NRXN3: variants seen among roughly 807,000 people sequenced by gnomAD.
NRXN3 encodes the protein neurexin 3, also known as neurexin III.
NRXN3 carries 32 observed loss-of-function variants against 137.6 expected under a neutral mutation model. That is an observed-to-expected ratio of 0.23 (90% CI 0.18 to 0.31). NRXN3 has a LOEUF of 0.31. NRXN3 is among the 10% of genes least tolerant of loss of function. NRXN3 has a pLI of 1.00. For missense variants in NRXN3, 1,574 were observed against 2,062.5 expected (o/e 0.76, Z 4.59); for synonymous variants, 798 against 784.5 (o/e 1.02, Z -0.29).
At chr14:78,412,427 G>T (rs2092887635) in intron 4 of NRXN3, among the ~76,000 whole-genome samples, 2 of 152,222 alleles carry the variant, frequency 1.3e-5, no homozygotes, top group Middle Eastern at 3.4e-3. Context: ...TTTTTTTACT[G>T]TTCTGTAACT....
chr14:79,439,860 A>G (rs1332979713), intron 15 of NRXN3, among the ~76,000 whole-genome samples: 1 of 152,232 alleles, frequency 6.6e-6, no homozygotes, highest in African/African-American at 2.4e-5. Context: ...TATCAATAAT[A>G]ATCATTAATT....
chr14:78,334,562 G>A (rs763692708), intron 4 of NRXN3, among the ~76,000 whole-genome samples: 1 of 152,138 alleles, frequency 6.6e-6, no homozygotes, highest in African/African-American at 2.4e-5. Context: ...CTTTGATCTC[G>A]TCTGAAGTTG....
At chr14:78,268,072 T>G (rs184945734) in intron 2 of NRXN3, among the ~76,000 whole-genome samples, 1 of 152,328 alleles carries the variant, frequency 6.6e-6, no homozygotes, top group Non-Finnish European at 1.5e-5. Flanking sequence ...CTTCTCAAAC[T>G]GTGTTCTGTG....
chr14:79,375,301 A>T (rs760827025), intron 15 of NRXN3, among the ~76,000 whole-genome samples: 1 of 109,350 alleles, frequency 9.1e-6, no homozygotes, highest in Admixed American at 1.2e-4. Flanking sequence ...CCCCTCCCAC[A>T]CATATACCCT....
chr14:79,383,345 A>G (rs1227801591), intron 15 of NRXN3, among the ~76,000 whole-genome samples: 1 of 152,142 alleles, frequency 6.6e-6, no homozygotes, highest in East Asian at 1.9e-4. Flanking sequence ...TGGACATGCA[A>G]ATTTTTCAAA....
chr14:78,837,649 T>C (rs215507), intron 10 of NRXN3, among the ~76,000 whole-genome samples: 115,373 of 152,092 alleles, frequency 0.76, 46,052 homozygotes, highest in Non-Finnish European at 0.88. Flanking sequence ...TCCCTGCCAC[T>C]TCTAGAGCAG....
intron 10 of NRXN3, among the ~76,000 whole-genome samples, chr14:78,943,621 A>AATATATATATAT (rs60429358): frequency 3.6e-5 from 1 of 27,880 alleles, no homozygotes; most frequent in African/African-American, 1.6e-4. Flanking sequence ...AAAAAAAAAA[A>AATATATATATAT]ATATATATAT....
At chr14:78,822,712 A>G (rs1038100560) in intron 10 of NRXN3, among the ~76,000 whole-genome samples, 1 of 100,282 alleles carries the variant, frequency 1.0e-5, no homozygotes, top group Non-Finnish European at 1.7e-5. Flanking sequence ...AAAACAAACA[A>G]AAAAAAAAAA....
intron 10 of NRXN3, among the ~76,000 whole-genome samples, chr14:78,924,178 G>A (rs1236783647): frequency 6.6e-6 from 1 of 152,230 alleles, no homozygotes; most frequent in East Asian, 1.9e-4. Context: ...GAACCCTGGA[G>A]GTGGAGGTTG....
intron 10 of NRXN3, among the ~76,000 whole-genome samples, chr14:78,820,241 CAT>C (rs199832842): frequency 5.0e-4 from 73 of 146,720 alleles, no homozygotes; most frequent in East Asian, 3.0e-3. Flanking sequence ...TACATATATA[CAT>C]ATATATATAT....
intron 15 of NRXN3, among the ~76,000 whole-genome samples, chr14:79,316,584 CATTTTAAT>C (rs2088748065): frequency 6.6e-6 from 1 of 152,198 alleles, no homozygotes; most frequent in African/African-American, 2.4e-5. Context: ...AGTATTTTAA[CATTTTAAT>C]AATTGATACA....
At position 78,187,062 on chromosome 14, in the gene NRXN3, T is replaced by C. The variant is rs139395697; in HGVS notation, c.-704+16388T>C. On this transcript the variant is annotated intron_variant, in intron 1 of 20. Coordinates refer to ENST00000335750, the MANE Select transcript of NRXN3 (RefSeq NM_001330195.2). ...ACAGTGAGCATGACGCTCGGAGTTA[T>C]CAAGGGGCTACTTTGTGCATGGATT... Among the ~76,000 whole-genome samples, 27 of 152,312 alleles carry C rather than the reference T, an allele frequency of 1.8e-4. No individual in the cohort carries two copies. The East Asian group carries it at 3.3e-3, about 19-fold the overall frequency.
At chr14:79,653,072 G>A (rs541881055) in intron 16 of NRXN3, among the ~76,000 whole-genome samples, 10 of 152,056 alleles carry the variant, frequency 6.6e-5, no homozygotes, top group South Asian at 2.1e-4. Context: ...GAGTCCCCAC[G>A]TGCAGACAGG....
intron 10 of NRXN3, among the ~76,000 whole-genome samples, chr14:78,846,755 T>C (rs1025583378): frequency 3.3e-5 from 5 of 152,092 alleles, no homozygotes; most frequent in African/African-American, 9.7e-5. Context: ...TAGATGAATT[T>C]AGTTAATTCT....
chr14:79,257,162 G>A lies in NRXN3; in HGVS notation c.3263-210059G>A, dbSNP rs373601216. Among the ~76,000 whole-genome samples, 49 of 152,156 alleles carry A rather than the reference G, an allele frequency of 3.2e-4. 1 individual carries two copies. In the East Asian group the frequency reaches 6.6e-3, roughly 21 times the overall value. ...TGTATTGCTTAAACCTCTCTTTGAAGGCAGGGAGGGCGAGGGGGAGGTGTG... is the reference window on the plus strand; with the variant it reads ...TGTATTGCTTAAACCTCTCTTTGAAAGCAGGGAGGGCGAGGGGGAGGTGTG... On this transcript the variant is annotated intron_variant, in intron 15 of 20. Transcript: ENST00000335750.
At chr14:79,650,911 C>G (rs1865975325) in intron 16 of NRXN3, among the ~76,000 whole-genome samples, 1 of 152,114 alleles carries the variant, frequency 6.6e-6, no homozygotes, top group Non-Finnish European at 1.5e-5. Context: ...GATGGCCTCC[C>G]AAGAGGCAGG....
At chr14:78,624,979 C>A (rs147584375) in intron 4 of NRXN3, among the ~76,000 whole-genome samples, 2,345 of 152,174 alleles carry the variant, frequency 0.015, 53 homozygotes, top group African/African-American at 0.053. Flanking sequence ...GTAGCTGGGA[C>A]TACAGGCGTG....
At chr14:79,265,731 G>A (rs1487590817) in intron 15 of NRXN3, among the ~76,000 whole-genome samples, 1 of 152,126 alleles carries the variant, frequency 6.6e-6, no homozygotes, top group Non-Finnish European at 1.5e-5. Context: ...CAGGCACAAT[G>A]ACTCCCTCTG....
At chr14:78,451,302 C>G (rs145517519) in intron 4 of NRXN3, among the ~76,000 whole-genome samples, 52 of 152,306 alleles carry the variant, frequency 3.4e-4, no homozygotes, top group African/African-American at 1.2e-3. Context: ...TTAAAGCAAA[C>G]AAACCTAAAC....
Sources: allele counts gnomAD v4.1 joint callset (sites outside exome capture counted in the v4.1 genomes callset), GRCh38; gene constraint gnomAD v4.1.1; transcripts MANE v1.5; gene names NCBI Gene and HGNC (gene_info 2026-07-23, HGNC 2026-07-21).